Variants in PAK5 observed in about 807,000 individuals in gnomAD.
PAK5 encodes p21 (RAC1) activated kinase 5, also known as serine/threonine-protein kinase PAK 5.
PAK5 carries 16 observed loss-of-function variants against 65.9 expected under a neutral mutation model. The ratio of observed to expected loss-of-function variants is 0.24; its 90% CI spans 0.16 to 0.37. PAK5 has a LOEUF of 0.37. Among genes scored for constraint, PAK5 ranks in the 10% least tolerant of loss-of-function variants. The pLI is 1.00. For synonymous variants in PAK5, 371 were observed against 354.9 expected, an observed-to-expected ratio of 1.05 and a Z score of -0.51; for missense variants, 785 against 903.9, an observed-to-expected ratio of 0.87 and a Z score of 1.69.
intron 2 of PAK5, among the ~76,000 whole-genome samples, chr20:9,677,982 A>C (rs910731594): frequency 2.6e-5 from 4 of 152,224 alleles, no homozygotes; most frequent in Non-Finnish European, 5.9e-5. Flanking sequence ...CTATAGTTGA[A>C]ATTATTCTGA....
chr20:9,724,188 AT>A (rs1293734825), intron 1 of PAK5, among the ~76,000 whole-genome samples: 7 of 152,262 alleles, frequency 4.6e-5, no homozygotes, highest in Non-Finnish European at 8.8e-5. Context: ...ATCCAAAAAA[AT>A]TTTTTTTAAT....
chr20:9,585,523 C>T (rs999070581), intron 3 of PAK5, among the ~76,000 whole-genome samples: 7 of 152,182 alleles, frequency 4.6e-5, no homozygotes, highest in East Asian at 1.9e-4. Flanking sequence ...ATATTTCTAT[C>T]GTGCGCTCCA....
chr20:9,750,411 C>G (rs2048562200), intron 1 of PAK5, among the ~76,000 whole-genome samples: 1 of 152,028 alleles, frequency 6.6e-6, no homozygotes, highest in African/African-American at 2.4e-5. Flanking sequence ...GCCAATGCAA[C>G]AAAACTTTTA....
At chr20:9,661,245 G>A (rs1045869434) in intron 2 of PAK5, among the ~76,000 whole-genome samples, 13 of 152,176 alleles carry the variant, frequency 8.5e-5, no homozygotes, top group East Asian at 1.9e-4. Context: ...CCTAGACCAC[G>A]CTGGGGCTCA....
chr20:9,556,569 G>C (rs980191296), intron 7 of PAK5, among the ~76,000 whole-genome samples: 2 of 152,146 alleles, frequency 1.3e-5, no homozygotes, highest in African/African-American at 4.8e-5. Flanking sequence ...GGAGTTTCAG[G>C]GGGCTCCGGA....
chr20:9,573,063 AC>A (rs1410077902), intron 4 of PAK5, among the ~76,000 whole-genome samples: 1 of 151,994 alleles, frequency 6.6e-6, no homozygotes, highest in Non-Finnish European at 1.5e-5. Context: ...AGAAATATTG[AC>A]AAAATGAACA....
intron 1 of PAK5, among the ~76,000 whole-genome samples, chr20:9,814,139 C>A (rs1275243971): frequency 1.3e-5 from 2 of 151,758 alleles, no homozygotes; most frequent in Non-Finnish European, 2.9e-5. Flanking sequence ...GATGGCCAGG[C>A]AGAGAATGGT....
At chr20:9,541,529 C>A (rs2045263431) in intron 9 of PAK5, among the ~76,000 whole-genome samples, 1 of 152,196 alleles carries the variant, frequency 6.6e-6, no homozygotes, top group Non-Finnish European at 1.5e-5. Flanking sequence ...GACTTTACTC[C>A]AGCAATGTAA....
At chr20:9,697,192 C>T (rs1404853148) in intron 2 of PAK5, among the ~76,000 whole-genome samples, 4 of 151,996 alleles carry the variant, frequency 2.6e-5, no homozygotes, top group Non-Finnish European at 4.4e-5. Context: ...TGTTAAAACG[C>T]GAACTCCATA....
intron 1 of PAK5, among the ~76,000 whole-genome samples, chr20:9,787,954 C>G (rs907480988): frequency 4.1e-5 from 6 of 145,178 alleles, no homozygotes; most frequent in African/African-American, 1.5e-4. Context: ...TAAAAATTAG[C>G]TGTCTCCAGC....
At chr20:9,565,187 T>G (rs1396816084) in intron 5 of PAK5, among the ~76,000 whole-genome samples, 1 of 151,908 alleles carries the variant, frequency 6.6e-6, no homozygotes, top group Non-Finnish European at 1.5e-5. Flanking sequence ...TAATTGAAAT[T>G]TAGAGAGTTA....
At position 9,832,581 on chromosome 20, in the gene PAK5, G is replaced by T. The variant is rs145064457; in HGVS notation, c.-162+6181C>A. 1.4e-3 allele frequency among the ~76,000 whole-genome samples: 217 copies of T among 152,182 alleles called. 1 individual carries two copies. In the Middle Eastern group the frequency reaches 0.017, roughly 12 times the overall value. On this transcript the variant is annotated intron_variant, in intron 1 of 9. Coordinates refer to ENST00000353224, the MANE Select transcript of PAK5 (RefSeq NM_177990.4). ...AGCCACCGTGCCTGGCAGACATTTT[G>T]ATAAGTATTTTTAAACTTCTCTGTA...
At chr20:9,540,401 C>T (rs2045241993) in intron 9 of PAK5, among the ~76,000 whole-genome samples, 1 of 152,218 alleles carries the variant, frequency 6.6e-6, no homozygotes, top group African/African-American at 2.4e-5. Context: ...CAAAAGGTCA[C>T]CACTATTTTA....
chr20:9,580,452 A>G lies in PAK5; in HGVS notation c.683T>C (p.Leu228Pro). Residue 228 changes from leucine (L) to proline (P), a missense_variant, in exon 4 of 10, where the codon CTG becomes CCG. Physicochemically the swap from Leu to Pro is moderately conservative, Grantham distance 98. Transcript: ENST00000353224. ...EYQRASSSSP[L>P]DYSFQFTPSR... ...AGGTGTGAATTGGAATGAATAATCCAGAGGGGAGCTACTCGAGGCTCTCTG... is the reference window on the plus strand; with the variant it reads ...AGGTGTGAATTGGAATGAATAATCCGGAGGGGAGCTACTCGAGGCTCTCTG... 1 of 1,614,126 alleles carries G rather than the reference A, an allele frequency of 6.2e-7. No individual in the cohort carries two copies. Among genetic ancestry groups the G allele is most frequent in the Non-Finnish European group, 8.5e-7 (1 of 1,180,022 alleles).
At chr20:9,764,369 T>C (rs2048733171) in intron 1 of PAK5, among the ~76,000 whole-genome samples, 1 of 152,222 alleles carries the variant, frequency 6.6e-6, no homozygotes, top group South Asian at 2.1e-4. Flanking sequence ...CACATGGTTT[T>C]AGTTTGCCCC....
intron 8 of PAK5, among the ~76,000 whole-genome samples, chr20:9,543,165 T>A (rs766507272): frequency 6.6e-6 from 1 of 152,206 alleles, no homozygotes; most frequent in Non-Finnish European, 1.5e-5. Context: ...TCTGATTCTT[T>A]TATTAATTTG....
intron 3 of PAK5, among the ~76,000 whole-genome samples, chr20:9,591,394 G>A (rs2046167956): frequency 6.6e-6 from 1 of 152,080 alleles, no homozygotes; most frequent in Admixed American, 6.6e-5. Flanking sequence ...CAAACCCTTT[G>A]AGATACAATG....
chr20:9,807,762 AAATAAT>A lies in PAK5; in HGVS notation c.-162+30994_-162+30999del, dbSNP rs71184158. On this transcript the variant is annotated intron_variant, in intron 1 of 9. Coordinates refer to ENST00000353224, the MANE Select transcript of PAK5 (RefSeq NM_177990.4). Reference sequence around the variant, plus strand: ...TAACGACTCCCTTCCAGCAAAAAATAAATAATAATAATAATAATAATAATAATAAAT... The same window carrying A: ...TAACGACTCCCTTCCAGCAAAAAATAAATAATAATAATAATAATAATAAAT... Among the ~76,000 whole-genome samples, 112 of 142,334 alleles carry A rather than the reference AAATAAT, an allele frequency of 7.9e-4. 1 individual carries two copies. The highest frequency in any genetic ancestry group is 1.9e-3 in the African/African-American group (73 of 38,754). 93.4% of individuals were successfully genotyped at this position (142,334 alleles called of 152,430 possible). A position where few individuals can be genotyped will look rare whatever the true frequency, so the allele number is the denominator to read the frequency against.
intron 2 of PAK5, among the ~76,000 whole-genome samples, chr20:9,662,378 C>T (rs2047357934): frequency 6.6e-6 from 1 of 152,140 alleles, no homozygotes; most frequent in South Asian, 2.1e-4. Flanking sequence ...TTATGGATTT[C>T]ACATGCTCCC....
Sources: gnomAD v4.1 joint callset for allele counts (sites outside exome capture counted in the v4.1 genomes callset) on GRCh38, gnomAD v4.1.1 for gene constraint, MANE v1.5 for transcripts, NCBI Gene and HGNC (gene_info 2026-07-23, HGNC 2026-07-21) for gene names.